The following EBF3 variants were observed in gnomAD, a reference collection of about 807,000 sequenced individuals.
EBF3 encodes the protein transcription factor COE3.
EBF3 carries 18 observed loss-of-function variants against 77.1 expected under a neutral mutation model. The observed-to-expected ratio is 0.23, with a 90% CI of 0.16 to 0.35. The LOEUF is 0.35. EBF3 is among the 10% of genes least tolerant of loss of function. The probability of loss-of-function intolerance (pLI) is 1.00; values close to 1 mark genes in which losing one functional copy is unlikely to be tolerated. For synonymous variants in EBF3, 350 were observed against 343.5 expected (o/e 1.02, Z -0.21); for missense variants, 558 against 860.0 (o/e 0.65, Z 4.39).
chr10:129,903,666 G>A (rs1479456464), intron 6 of EBF3, among the ~76,000 whole-genome samples: 2 of 152,124 alleles, frequency 1.3e-5, no homozygotes, highest in Non-Finnish European at 1.5e-5. Context: ...TCAGGAGTGG[G>A]GACATATTGG....
At chr10:129,945,929 T>A (rs1858181192) in intron 6 of EBF3, among the ~76,000 whole-genome samples, 1 of 152,104 alleles carries the variant, frequency 6.6e-6, no homozygotes, top group Admixed American at 6.5e-5. Flanking sequence ...TGCTTTTACG[T>A]TTAGTGGAGG....
intron 6 of EBF3, among the ~76,000 whole-genome samples, chr10:129,942,766 G>A (rs1857864799): frequency 6.6e-6 from 1 of 152,166 alleles, no homozygotes; most frequent in Admixed American, 6.5e-5. Context: ...ACTTTTAAAT[G>A]AAATCAATAA....
At chr10:129,941,503 G>C (rs1173257035) in intron 6 of EBF3, among the ~76,000 whole-genome samples, 11 of 152,244 alleles carry the variant, frequency 7.2e-5, no homozygotes, top group Admixed American at 7.2e-4. Flanking sequence ...ACAGAGGAGA[G>C]GTGCTGGGTG....
intron 6 of EBF3, among the ~76,000 whole-genome samples, chr10:129,923,183 T>G (rs1349745322): frequency 6.6e-6 from 1 of 152,230 alleles, no homozygotes; most frequent in Non-Finnish European, 1.5e-5. Flanking sequence ...ACAAGCCACG[T>G]GCCTTCCATA....
At chr10:129,840,776 A>G (rs1849978791) in intron 14 of EBF3, 68 bp downstream of exon 14, 1 of 1,547,640 alleles carries the variant, frequency 6.5e-7, no homozygotes, top group African/African-American at 1.4e-5. Context: ...CATCCAAGCA[A>G]TGCACACACT....
intron 6 of EBF3, among the ~76,000 whole-genome samples, chr10:129,891,019 CTGAG>C (rs368232042): frequency 2.6e-5 from 4 of 152,142 alleles, no homozygotes; most frequent in Admixed American, 6.5e-5. Flanking sequence ...ACTTGCTTGC[CTGAG>C]TATTTTATTA....
intron 6 of EBF3, among the ~76,000 whole-genome samples, chr10:129,896,308 GC>G (rs1458934443): frequency 6.6e-6 from 1 of 152,218 alleles, no homozygotes; most frequent in Non-Finnish European, 1.5e-5. Context: ...GCAAAAACAA[GC>G]CCGAGCTCAG....
chr10:129,856,680 C>T (rs1265734550), intron 10 of EBF3, among the ~76,000 whole-genome samples: 4 of 152,302 alleles, frequency 2.6e-5, no homozygotes, highest in Middle Eastern at 3.4e-3. Flanking sequence ...AGACGCTACC[C>T]AAGGGAAGGA....
intron 6 of EBF3, among the ~76,000 whole-genome samples, chr10:129,881,075 T>C (rs746348078): frequency 5.9e-5 from 9 of 152,316 alleles, no homozygotes; most frequent in Middle Eastern, 3.4e-3. Flanking sequence ...TGACAACCAC[T>C]TTACATATCT....
At chr10:129,901,317 T>G (rs1039046317) in intron 6 of EBF3, among the ~76,000 whole-genome samples, 1 of 152,238 alleles carries the variant, frequency 6.6e-6, no homozygotes, top group African/African-American at 2.4e-5. Context: ...TTATTTTTAT[T>G]ACAAATATTG....
chr10:129,911,846 C>T (rs1229686999), intron 6 of EBF3, among the ~76,000 whole-genome samples: 3 of 152,186 alleles, frequency 2.0e-5, no homozygotes, highest in African/African-American at 2.4e-5. Context: ...GAGGCCGGTT[C>T]GGCAGCCGAA....
At position 129,897,828 on chromosome 10, in the gene EBF3, A is replaced by G. The variant is rs538828658; in HGVS notation, c.555-19979T>C. Among the ~76,000 whole-genome samples, 15 of 152,336 alleles carry G rather than the reference A, an allele frequency of 9.8e-5. No homozygotes were observed. In the South Asian group the frequency reaches 2.9e-3, roughly 29 times the overall value. The stretch of plus-strand genomic sequence containing the variant: ...GGGCCACTTGTGGGTATGCGAGTAC[A>G]TGGCGGCCAGAGGCAGATATCATTG... On this transcript the variant is annotated intron_variant, in intron 6 of 16. Coordinates refer to ENST00000440978, the MANE Select transcript of EBF3 (RefSeq NM_001375380.1). This position sits in a 1 kb window ranked among gnomAD's most constrained non-coding sequence, Gnocchi z 4.6.
At position 129,879,826 on chromosome 10, in the gene EBF3, G is replaced by A. The variant is rs1853069174; in HGVS notation, c.555-1977C>T. ...ACTGCATCAGAAAGGGCCTAACAAG[G>A]TGAGGGCGCCACCAAGTTATCGTCC... On this transcript the variant is annotated intron_variant, in intron 6 of 16. Coordinates refer to ENST00000440978, the MANE Select transcript of EBF3 (RefSeq NM_001375380.1). The surrounding 1 kb of genome is among the most constrained non-coding windows in gnomAD (Gnocchi z 4.7). 6.6e-6 allele frequency among the ~76,000 whole-genome samples: 1 copy of A among 152,212 alleles called. No homozygotes were observed. Among genetic ancestry groups the A allele is most frequent in the South Asian group, 2.1e-4 (1 of 4,824 alleles).
At chr10:129,840,531 G>C (rs745966735) in intron 14 of EBF3, 89 bp from the exon 15 acceptor site, 42 of 1,410,228 alleles carry the variant, frequency 3.0e-5, no homozygotes, top group Non-Finnish European at 3.8e-5. Flanking sequence ...GGACGGGGGG[G>C]CAGGGGCACG....
rs953268295 is a variant in EBF3 at position 129,867,157 on chromosome 10, C to T, written c.1023G>A (p.Gly341=). 2 of 1,613,738 alleles carry T rather than the reference C, an allele frequency of 1.2e-6. No individual in the cohort carries two copies. Among genetic ancestry groups the T allele is most frequent in the African/African-American group, 2.7e-5 (2 of 74,900 alleles). Residue 341 remains glycine (G), a synonymous_variant, in exon 10 of 17, where the codon GGG becomes GGA. Coordinates refer to ENST00000440978, the MANE Select transcript of EBF3 (RefSeq NM_001375380.1). ...KSKQFCKGAP[G]RFVYTALNEP... ...TGAACTCACCGGTGTAGACAAAGCG[C>T]CCAGGAGCACCTTTGCAGAACTGCT...
chr10:129,949,368 C>G (rs146966401), intron 6 of EBF3, among the ~76,000 whole-genome samples: 1 of 152,240 alleles, frequency 6.6e-6, no homozygotes, highest in Non-Finnish European at 1.5e-5. Flanking sequence ...AGGGAGGAGC[C>G]CCTCCCTAAA....
In EBF3 at chr10:129,870,348, G is replaced by A. The variant is rs184570833; in HGVS notation, c.782-2436C>T. Among the ~76,000 whole-genome samples the A allele has an allele frequency of 9.1e-4, 139 of 152,198 alleles. No individual in the cohort carries two copies. The highest frequency in any genetic ancestry group is 3.4e-3 in the Middle Eastern group (1 of 294). On this transcript the variant is annotated intron_variant, in intron 8 of 16. Transcript: ENST00000440978. The surrounding 1 kb of genome is among the most constrained non-coding windows in gnomAD (Gnocchi z 4.4). ...CAAGCAGATGACAGGAGCTGGGCCC[G>A]GCAGCTGAAGATGGCAGAGGAGGAG...
In EBF3 at chr10:129,841,042, T is replaced by TCCTC; in HGVS notation, c.1373-11_1373-10insGAGG. 5 of 1,507,642 alleles carry TCCTC rather than the reference T, an allele frequency of 3.3e-6. No homozygotes were observed. Among genetic ancestry groups the TCCTC allele is most frequent in the Non-Finnish European group, 1.8e-6 (2 of 1,131,780 alleles). 93.4% of individuals were successfully genotyped at this position (1,507,642 alleles called of 1,614,324 possible). On this transcript the variant is annotated splice_polypyrimidine_tract_variant and intron_variant, in intron 13 of 16. Coordinates refer to ENST00000440978, the MANE Select transcript of EBF3 (RefSeq NM_001375380.1). This position sits in a 1 kb window ranked among gnomAD's most constrained non-coding sequence, Gnocchi z 4.6. Reference sequence around the variant, plus strand: ...TTGCGACTGTAGCCGACTGTTGAAATCCCCCCCCCGGCCAAAAATAACATT... The same window carrying TCCTC: ...TTGCGACTGTAGCCGACTGTTGAAATCCTCCCCCCCCCCGGCCAAAAATAACATT...
intron 6 of EBF3, among the ~76,000 whole-genome samples, chr10:129,899,821 T>C (rs1365249850): frequency 6.6e-6 from 1 of 152,214 alleles, no homozygotes; most frequent in Non-Finnish European, 1.5e-5. Context: ...TTCTCTCTCC[T>C]CTTGATTGAT....
Sources: gnomAD v4.1 joint callset for allele counts (sites outside exome capture counted in the v4.1 genomes callset) on GRCh38, gnomAD v4.1.1 for gene constraint, Gnocchi (gnomAD v3.1) non-coding constraint, MANE v1.5 for transcripts, NCBI Gene and HGNC (gene_info 2026-07-23, HGNC 2026-07-21) for gene names.